The following RNF213 variants were observed in gnomAD, a reference collection of about 807,000 sequenced individuals.
The protein encoded by RNF213 is E3 ubiquitin-protein ligase RNF213.
Under a neutral mutation model 514.4 loss-of-function variants are expected in RNF213, and 341 were observed. The ratio of observed to expected loss-of-function variants is 0.66; its 90% confidence interval spans 0.61 to 0.73. RNF213 has a LOEUF of 0.73. Ranked by LOEUF, RNF213 falls within the 30% of genes least tolerant of loss-of-function variation. The pLI is 0.00. For missense variants in RNF213, 5,767 were observed against 6,615.6 expected (o/e 0.87, Z 4.45); for synonymous variants, 2,655 against 2,658.2 (o/e 1.00, Z 0.04).
intron 67 of RNF213, among the ~76,000 whole-genome samples, chr17:80,392,740 C>T (rs1286356136): frequency 1.3e-5 from 2 of 152,082 alleles, no homozygotes; most frequent in Non-Finnish European, 2.9e-5. Context: ...CAGGCACCCA[C>T]CGCCATGCCT....
rs769177002 is a variant in RNF213, at chr17:80,375,779, G to C, written c.13094G>C (p.Ser4365Thr). 1 of 1,613,936 alleles carries C rather than the reference G, an allele frequency of 6.2e-7. No individual in the cohort carries two copies. The highest frequency in any genetic ancestry group is 8.5e-7 in the Non-Finnish European group (1 of 1,179,864). Reference sequence around the variant, plus strand: ...TTGCAGGCCTGCAAGACCCCCCAAAGCCAGCAGTCAGCCTACTTCCTGTTA... The same window carrying C: ...TTGCAGGCCTGCAAGACCCCCCAAACCCAGCAGTCAGCCTACTTCCTGTTA... ...TALKACKTPQSQQSAYFLLTL... is the reference protein window; with the variant it reads ...TALKACKTPQTQQSAYFLLTL... The change falls in exon 51 of 68, where the codon AGC becomes ACC. Residue 4365 changes from serine to threonine, a missense_variant. Physicochemically the swap from Ser to Thr is moderately conservative, Grantham distance 58 (BLOSUM62 1). Around this residue, in one of 13 missense-constraint regions of RNF213, gnomAD observed 1,245 missense variants for 1,339.0 expected, o/e 0.93. Coordinates refer to ENST00000582970, the MANE Select transcript of RNF213 (RefSeq NM_001256071.3).
In RNF213 at chr17:80,398,625, T is replaced by G. The variant is rs1173531687; in HGVS notation, c.*5127T>G. 2.1e-5 allele frequency: 2 copies of G among 95,116 alleles called. No individual in the cohort carries two copies. The highest frequency in any genetic ancestry group is 1.8e-4 in the Admixed American group (1 of 5,656). 5.9% of individuals were successfully genotyped at this position (95,116 alleles called of 1,614,324 possible). On this transcript the variant is annotated 3_prime_UTR_variant, in exon 68 of 68. Transcript: ENST00000582970. ...CCCCACCCGCCCGCCCCAACAGTGGTTGAGAGAACAGCAGCATAAGTGGCT... is the reference window on the plus strand; with the variant it reads ...CCCCACCCGCCCGCCCCAACAGTGGGTGAGAGAACAGCAGCATAAGTGGCT...
At chr17:80,340,608 GGTTT>G in intron 26 of RNF213, 1 of 224,780 alleles carries the variant, frequency 4.4e-6, no homozygotes, top group Non-Finnish European at 8.1e-6. Flanking sequence ...TGTACTTTGT[GGTTT>G]TTTTTTTTTT....
In RNF213 at chr17:80,343,977, A is replaced by G; in HGVS notation, c.6304A>G (p.Arg2102Gly). Reference sequence around the variant, plus strand: ...TTTGTATATCGTTGAAATCCTGGAAAGGAGGACGTCAGTGCCGTCGAGGAG... The same window carrying G: ...TTTGTATATCGTTGAAATCCTGGAAGGGAGGACGTCAGTGCCGTCGAGGAG... ...CHLYIVEILE[R>G]RTSVPSRSSS... Residue 2102 changes from arginine to glycine, a missense_variant, in exon 28 of 68, where the codon AGG becomes GGG. Arg to Gly is a moderately radical substitution (Grantham distance 125, BLOSUM62 -2). Coordinates refer to ENST00000582970, the MANE Select transcript of RNF213 (RefSeq NM_001256071.3). This position sits in a 1 kb window ranked among gnomAD's most constrained non-coding sequence, Gnocchi z 4.3. The G allele has an allele frequency of 6.2e-7, 1 of 1,614,172 alleles. No individual in the cohort carries two copies. Among genetic ancestry groups the G allele is most frequent in the Non-Finnish European group, 8.5e-7 (1 of 1,180,038 alleles).
chr17:80,347,746 C>T lies in RNF213; in HGVS notation c.9411C>T (p.Arg3137=), dbSNP rs750853150. The part of the protein sequence containing the change: ...KYVDLGLGTH[R]VKCRVHPNFR... ...TGGACCTCGGTCTGGGGACCCACCG[C>T]GTCAAATGTCGGGTTCACCCCAACT... The change falls in exon 29 of 68, where the codon CGC becomes CGT. Residue 3137 remains arginine (R), a synonymous_variant. Transcript: ENST00000582970. The surrounding 1 kb of genome is among the most constrained non-coding windows in gnomAD (Gnocchi z 7.2). 12 of 1,614,156 alleles carry T rather than the reference C, an allele frequency of 7.4e-6. No individual in the cohort carries two copies. In the South Asian group the frequency reaches 9.9e-5, roughly 13 times the overall value.
At chr17:80,381,807 C>G (rs1338036943) in intron 57 of RNF213, 80 bp downstream of exon 57, 18 of 1,297,214 alleles carry the variant, frequency 1.4e-5, no homozygotes, top group East Asian at 9.9e-5. Flanking sequence ...TGTGGGCCAC[C>G]CCACACACAG....
intron 36 of RNF213, among the ~76,000 whole-genome samples, chr17:80,355,805 G>A (rs1402222720): frequency 6.9e-5 from 10 of 144,416 alleles, no homozygotes; most frequent in Admixed American, 1.4e-4. Context: ...CGGGGTGACC[G>A]GGAATGGGGG....
chr17:80,395,658 T>C lies in RNF213; in HGVS notation c.*2160T>C, dbSNP rs2080642955. On this transcript the variant is annotated 3_prime_UTR_variant, in exon 68 of 68. Coordinates refer to ENST00000582970, the MANE Select transcript of RNF213 (RefSeq NM_001256071.3). ...GGGGCTGCAGCTAACGGGGTACAGG[T>C]AGGAGCTAACTAACTTCACCCCTGA... 1 of 152,234 alleles carries C rather than the reference T, an allele frequency of 6.6e-6. No individual in the cohort carries two copies. The highest frequency in any genetic ancestry group is 2.1e-4 in the South Asian group (1 of 4,836). The allele number at this position is 152,234 out of a possible 1,614,324, so 9.4% of individuals were successfully genotyped here.
At chr17:80,273,433 C>T (rs748899468) in intron 3 of RNF213, 29 bp downstream of exon 3, 35 of 1,609,622 alleles carry the variant, frequency 2.2e-5, no homozygotes, top group Non-Finnish European at 2.4e-5. Context: ...CTCCCCTCCG[C>T]CCCCGCTCAC....
chr17:80,336,067 T>C (rs1189220011), intron 22 of RNF213, 94 bp from the exon 23 acceptor site: 3 of 971,694 alleles, frequency 3.1e-6, no homozygotes, highest in East Asian at 2.7e-5. Flanking sequence ...TCATGAAATA[T>C]CCATTTCAGC....
At chr17:80,278,873 T>C in intron 3 of RNF213, 1 of 1,537,200 alleles carries the variant, frequency 6.5e-7, no homozygotes, top group Non-Finnish European at 8.7e-7. Context: ...GCAGCCCCGC[T>C]TGAGGCCGCC....
chr17:80,346,222 A>C lies in RNF213; in HGVS notation c.7887A>C (p.Thr2629=). The C allele has an allele frequency of 3.1e-6, 5 of 1,614,210 alleles. No homozygotes were observed. Among genetic ancestry groups the C allele is most frequent in the Non-Finnish European group, 4.2e-6 (5 of 1,180,034 alleles). ...CCTCTCAGGGTTTCATGAGGAAAAC[A>C]GAAGATGAGTGCAGCTTTGTCAGCC... ...LCASQGFMRK[T]EDECSFVSLR... is the part of the protein sequence containing the mutation. Residue 2629 remains threonine (T), a synonymous_variant, in exon 29 of 68, where the codon ACA becomes ACC. Coordinates refer to ENST00000582970, the MANE Select transcript of RNF213 (RefSeq NM_001256071.3). The surrounding 1 kb of genome is among the most constrained non-coding windows in gnomAD (Gnocchi z 8.1).
intron 14 of RNF213, among the ~76,000 whole-genome samples, chr17:80,310,202 GTTC>G (rs565338038): frequency 6.6e-6 from 1 of 152,124 alleles, no homozygotes; most frequent in Non-Finnish European, 1.5e-5. Flanking sequence ...ACCCACTTGA[GTTC>G]ATGAGTTTCA....
chr17:80,396,780 A>G lies in RNF213; in HGVS notation c.*3282A>G, dbSNP rs2080674965. 8.7e-6 allele frequency: 1 copy of G among 115,490 alleles called. No individual in the cohort carries two copies. The allele number at this position is 115,490 out of a possible 1,614,324, so 7.2% of individuals were successfully genotyped here. A position where few individuals can be genotyped will look rare whatever the true frequency, so the allele number is the denominator to read the frequency against. ...CAACTTTGGTCAGAAGTCACACCTA[A>G]TCACCCTCTCTGCAGGATATGCTGG... On this transcript the variant is annotated 3_prime_UTR_variant, in exon 68 of 68. Coordinates refer to ENST00000582970, the MANE Select transcript of RNF213 (RefSeq NM_001256071.3).
rs764539214 is a variant in RNF213 at position 80,345,218 on chromosome 17, C to T, written c.6883C>T (p.Arg2295Trp). The T allele has an allele frequency of 3.7e-6, 6 of 1,613,996 alleles. No homozygotes were observed. The highest frequency in any genetic ancestry group is 2.2e-5 in the South Asian group (2 of 91,090). The change falls in exon 29 of 68, where the codon CGG becomes TGG. Residue 2295 changes from arginine to tryptophan, a missense_variant. Physicochemically the swap from Arg to Trp is moderately radical, Grantham distance 101 (BLOSUM62 -3). Transcript: ENST00000582970. The surrounding 1 kb of genome is among the most constrained non-coding windows in gnomAD (Gnocchi z 6.0). ...REEDLAPFSLRKRWESEPHPY... is the reference protein window; with the variant it reads ...REEDLAPFSLWKRWESEPHPY... ...AGAAGATCTAGCGCCCTTCTCCCTC[C>T]GGAAGAGGTGGGAGTCGGAGCCTCA...
chr17:80,355,655 CGGGAATGGGGGCTTACAGGGG>C (rs2078764757), intron 36 of RNF213, among the ~76,000 whole-genome samples: 3 of 10,746 alleles, frequency 2.8e-4, no homozygotes, highest in African/African-American at 1.1e-3. Flanking sequence ...GCGGGGTGGA[CGGGAATGGGGGCTTACAGGGG>C]GAAGAAGCGG....
chr17:80,310,844 A>C (rs1252222319), intron 14 of RNF213, among the ~76,000 whole-genome samples: 1 of 152,154 alleles, frequency 6.6e-6, no homozygotes, highest in Non-Finnish European at 1.5e-5. Flanking sequence ...GAGCTACTGC[A>C]CCCGGCTGAT....
intron 14 of RNF213, among the ~76,000 whole-genome samples, chr17:80,310,462 A>G (rs1352829794): frequency 6.6e-6 from 1 of 151,724 alleles, no homozygotes; most frequent in East Asian, 2.0e-4. Context: ...CATGTTGGCC[A>G]AGCTGGTCTC....
chr17:80,384,597 T>C (rs1326768022), intron 59 of RNF213, among the ~76,000 whole-genome samples: 2 of 152,206 alleles, frequency 1.3e-5, no homozygotes, highest in African/African-American at 4.8e-5. Flanking sequence ...CTGTCAATAC[T>C]GTGGCCTCTC....
Sources: gnomAD v4.1 joint callset for allele counts (sites outside exome capture counted in the v4.1 genomes callset) on GRCh38, gnomAD v4.1.1 for gene constraint, gnomAD v4.1.1 regional missense constraint, Gnocchi (gnomAD v3.1) non-coding constraint, MANE v1.5 for transcripts, NCBI Gene and HGNC (gene_info 2026-07-23, HGNC 2026-07-21) for gene names.